Variants in CRHR1 observed in about 807,000 individuals in gnomAD.
CRHR1 encodes corticotropin releasing hormone receptor 1, also known as corticotropin-releasing hormone receptor 1.
Under a neutral mutation model 56.0 loss-of-function variants are expected in CRHR1, and 28 were observed. The ratio of observed to expected loss-of-function variants is 0.50; its 90% confidence interval spans 0.37 to 0.69. CRHR1 has a LOEUF of 0.69. Ranked by LOEUF, CRHR1 falls within the 30% of genes least tolerant of loss-of-function variation. The pLI, the probability that CRHR1 is intolerant of heterozygous loss-of-function variation, is 0.00. For synonymous variants in CRHR1, 195 were observed against 216.5 expected (o/e 0.90, Z 0.87); for missense variants, 376 against 548.0 (o/e 0.69, Z 3.13).
chr17:45,809,278 G>A (rs1400898244), intron 2 of CRHR1, among the ~76,000 whole-genome samples: 3 of 152,164 alleles, frequency 2.0e-5, no homozygotes, highest in Non-Finnish European at 4.4e-5. Context: ...TGGGGAATGG[G>A]GAAGTAAGTT....
intron 1 of CRHR1, among the ~76,000 whole-genome samples, chr17:45,797,283 CTTTTTTTTTTTTTT>C (rs899983592): frequency 1.1e-5 from 1 of 94,930 alleles, no homozygotes. Flanking sequence ...TTCTTTCTTT[CTTTTTTTTTTTTTT>C]TTTTTTTTTT....
intron 1 of CRHR1, among the ~76,000 whole-genome samples, chr17:45,799,152 G>A (rs1380590928): frequency 6.6e-6 from 1 of 152,218 alleles, no homozygotes; most frequent in African/African-American, 2.4e-5. Flanking sequence ...GTGGGTGGAT[G>A]AGAAAAAGGT....
At position 45,830,485 on chromosome 17, in the gene CRHR1, C is replaced by A; in HGVS notation, c.624C>A (p.Gly208=). The change falls in exon 7 of 13, where the codon GGC becomes GGA. Residue 208 remains glycine, a synonymous_variant. Transcript: ENST00000314537. ...TGACCAACTTCTTCTGGATGTTCGG[C>A]GAGGGCTGCTACCTGCACACAGCCA... is the stretch of plus-strand genomic sequence containing the variant. The part of the protein sequence containing the change: ...FHVTNFFWMF[G]EGCYLHTAIV... The A allele has an allele frequency of 6.2e-7, 1 of 1,613,730 alleles. No individual in the cohort carries two copies. The highest frequency in any genetic ancestry group is 1.3e-5 in the African/African-American group (1 of 75,048).
chr17:45,834,272 G>A (rs539826036), intron 12 of CRHR1, among the ~76,000 whole-genome samples: 8 of 152,232 alleles, frequency 5.3e-5, no homozygotes, highest in Non-Finnish European at 1.2e-4. Flanking sequence ...GCACCAGGCT[G>A]GAAGCCAGAG....
At chr17:45,812,054 T>A (rs1482326913) in intron 2 of CRHR1, among the ~76,000 whole-genome samples, 2 of 152,172 alleles carry the variant, frequency 1.3e-5, no homozygotes, top group African/African-American at 4.8e-5. Context: ...GATGCCCAAG[T>A]CACTGATATA....
chr17:45,790,660 C>G (rs913373123), intron 1 of CRHR1, among the ~76,000 whole-genome samples: 3 of 152,178 alleles, frequency 2.0e-5, no homozygotes, highest in African/African-American at 7.2e-5. Flanking sequence ...CATCTGCCCC[C>G]CTCCGCATGT....
chr17:45,833,271 C>A, intron 9 of CRHR1, 61 bp downstream of exon 9: 1 of 1,575,906 alleles, frequency 6.3e-7, no homozygotes, highest in Non-Finnish European at 8.7e-7. Context: ...CAGTGCCAAC[C>A]GTGGACAGAA....
chr17:45,834,041 A>G lies in CRHR1; in HGVS notation c.1100A>G (p.Asn367Ser), dbSNP rs1193972900. 6.2e-7 allele frequency: 1 copy of G among 1,613,122 alleles called. No individual in the cohort carries two copies. Among genetic ancestry groups the G allele is most frequent in the Non-Finnish European group, 8.5e-7 (1 of 1,179,292 alleles). The stretch of plus-strand genomic sequence containing the variant: ...GTGTCTGTGTTCTACTGTTTCCTCA[A>G]TAGTGAGGTGAGGACCCGGGGGCCC... The part of the protein sequence containing the change: ...FFVSVFYCFL[N>S]SEVRSAIRKR... The change falls in exon 12 of 13, where the codon AAT (asparagine) becomes AGT (serine). Residue 367 changes from asparagine to serine, a missense_variant. Asn to Ser is a conservative substitution (Grantham distance 46, BLOSUM62 1). Around this residue, in one of 2 missense-constraint regions of CRHR1, gnomAD observed 369 missense variants for 519.5 expected, o/e 0.71. Coordinates refer to ENST00000314537, the MANE Select transcript of CRHR1 (RefSeq NM_004382.5).
rs985023263 is a variant in CRHR1 at position 45,784,906 on chromosome 17, T to G, written c.33+329T>G. 6.6e-6 allele frequency among the ~76,000 whole-genome samples: 1 copy of G among 151,816 alleles called. No individual in the cohort carries two copies. The highest frequency in any genetic ancestry group is 2.0e-4 in the East Asian group (1 of 5,128). On this transcript the variant is annotated intron_variant, in intron 1 of 12. Transcript: ENST00000314537. The surrounding 1 kb of genome is among the most constrained non-coding windows in gnomAD (Gnocchi z 4.2). The stretch of plus-strand genomic sequence containing the variant: ...CGCCTAGGGGAGGGGAGGTTCCACC[T>G]CCCACGCCCTTCCTGCAGACCTCGG...
chr17:45,784,361 AGCCGGGCCGGGCCGG>A lies in CRHR1; in HGVS notation c.-174_-160del. 1 of 345,854 alleles carries A rather than the reference AGCCGGGCCGGGCCGG, an allele frequency of 2.9e-6. No individual in the cohort carries two copies. The highest frequency in any genetic ancestry group is 4.9e-6 in the Non-Finnish European group (1 of 203,636). The allele number at this position is 345,854 out of a possible 1,614,324, so 21.4% of individuals were successfully genotyped here. ...ACTTCCCCGGGAAGGGGCGAGCGAG[AGCCGGGCCGGGCCGG>A]GCCGGGCCGCGGGGCCGGGAAGCGC... On this transcript the variant is annotated 5_prime_UTR_variant, in exon 1 of 13. Coordinates refer to ENST00000314537, the MANE Select transcript of CRHR1 (RefSeq NM_004382.5). The surrounding 1 kb of genome is among the most constrained non-coding windows in gnomAD (Gnocchi z 4.2).
chr17:45,789,125 C>T (rs550098441), intron 1 of CRHR1, among the ~76,000 whole-genome samples: 1 of 152,154 alleles, frequency 6.6e-6, no homozygotes, highest in Non-Finnish European at 1.5e-5. Flanking sequence ...TGGAGGAGGG[C>T]AGGTCACTAA....
intron 1 of CRHR1, among the ~76,000 whole-genome samples, chr17:45,804,666 T>G (rs2061687729): frequency 6.7e-6 from 1 of 149,012 alleles, no homozygotes; most frequent in Non-Finnish European, 1.5e-5. Flanking sequence ...TGGAGAGGAG[T>G]CCAGGGAAGA....
intron 1 of CRHR1, among the ~76,000 whole-genome samples, chr17:45,804,940 G>A (rs867088442): frequency 1.3e-4 from 20 of 151,680 alleles, no homozygotes; most frequent in African/African-American, 3.6e-4. Context: ...TCAGCCTCCC[G>A]AATAGCTGGG....
intron 4 of CRHR1, chr17:45,827,947 G>C (rs62057157): frequency 0.14 from 21,828 of 152,280 alleles, 2,138 homozygotes; most frequent in Non-Finnish European, 0.22. Context: ...TGTGAGCTCA[G>C]TGCTTCTCAG....
chr17:45,830,524 C>A lies in CRHR1; in HGVS notation c.663C>A (p.Tyr221Ter). Residue 221 changes from tyrosine to a stop codon, truncating the protein, a stop_gained, in exon 7 of 13, where the codon TAC (tyrosine) becomes TAA (stop). Coordinates refer to ENST00000314537, the MANE Select transcript of CRHR1 (RefSeq NM_004382.5). LOFTEE classifies it high-confidence loss of function. ...CYLHTAIVLT[Y>*]STDRLRKWMF... The stretch of plus-strand genomic sequence containing the variant: ...TGCACACAGCCATCGTGCTCACCTA[C>A]TCCACTGACCGGCTGCGCAAATGGA... The A allele has an allele frequency of 1.2e-6, 2 of 1,613,560 alleles. No individual in the cohort carries two copies. The highest frequency in any genetic ancestry group is 1.7e-6 in the Non-Finnish European group (2 of 1,179,900).
At position 45,830,539 on chromosome 17, in the gene CRHR1, G is replaced by C. The variant is rs767265946; in HGVS notation, c.678G>C (p.Leu226=). The C allele has an allele frequency of 1.2e-6, 2 of 1,612,900 alleles. No individual in the cohort carries two copies. Among genetic ancestry groups the C allele is most frequent in the Non-Finnish European group, 1.7e-6 (2 of 1,179,608 alleles). The change falls in exon 7 of 13, where the codon CTG becomes CTC. Residue 226 remains leucine (L), a synonymous_variant. Transcript: ENST00000314537. Reference sequence around the variant, plus strand: ...TGCTCACCTACTCCACTGACCGGCTGCGCAAATGGATGTTCATCTGCATTG... The same window carrying C: ...TGCTCACCTACTCCACTGACCGGCTCCGCAAATGGATGTTCATCTGCATTG... ...AIVLTYSTDR[L]RKWMFICIGW...
Position 45,821,371 on chromosome 17 carries a change from G to A in CRHR1, c.258G>A (p.Glu86=), listed in dbSNP as rs2062037699. ...CTTTTCCAGACAATGGCTACCGGGA[G>A]TGCCTGGCCAATGGCAGCTGGGCCG... is the stretch of plus-strand genomic sequence containing the variant. ...RYNTTNNGYR[E]CLANGSWAAR... Residue 86 remains glutamate (E), a synonymous_variant, in exon 4 of 13, where the codon GAG becomes GAA. Transcript: ENST00000314537. The A allele has an allele frequency of 6.2e-7, 1 of 1,613,448 alleles. No homozygotes were observed. The highest frequency in any genetic ancestry group is 1.3e-5 in the African/African-American group (1 of 74,960).
intron 3 of CRHR1, among the ~76,000 whole-genome samples, chr17:45,820,125 C>T (rs1436366948): frequency 2.6e-5 from 4 of 152,152 alleles, no homozygotes; most frequent in Admixed American, 2.0e-4. Flanking sequence ...GCAGCTTTCC[C>T]AGCCCTGTTC....
Position 45,807,033 on chromosome 17 carries a change from C to G in CRHR1, c.57C>G (p.Asn19Lys). Residue 19 changes from asparagine to lysine, a missense_variant, in exon 2 of 13, where the codon AAC (asparagine) becomes AAG (lysine). Around this residue, in one of 2 missense-constraint regions of CRHR1, gnomAD observed 369 missense variants for 519.5 expected, o/e 0.71. Transcript: ENST00000314537. ...LVKALLLLGL[N>K]PVSASLQDQH... ...AGGCCCTTCTCCTTCTGGGGCTGAA[C>G]CCCGTCTCTGCCTCCCTCCAGGACC... 1 of 1,614,046 alleles carries G rather than the reference C, an allele frequency of 6.2e-7. No homozygotes were observed. Among genetic ancestry groups the G allele is most frequent in the South Asian group, 1.1e-5 (1 of 91,054 alleles).
Sources: allele counts gnomAD v4.1 joint callset (sites outside exome capture counted in the v4.1 genomes callset), GRCh38; gene constraint gnomAD v4.1.1; regional missense constraint gnomAD v4.1.1; non-coding constraint Gnocchi (gnomAD v3.1); transcripts MANE v1.5; gene names NCBI Gene and HGNC (gene_info 2026-07-23, HGNC 2026-07-21).